Variants in ADAM32 observed in about 807,000 individuals in gnomAD.
The protein encoded by ADAM32 is disintegrin and metalloproteinase domain-containing protein 32.
A neutral mutation model predicts 114.9 loss-of-function variants in ADAM32; 89 were observed. That is an observed-to-expected ratio of 0.77 (90% CI 0.65 to 0.92). The LOEUF (loss-of-function observed/expected upper bound fraction) is 0.92. Among genes scored for constraint, ADAM32 ranks in the 40% least tolerant of loss-of-function variants. The probability of loss-of-function intolerance (pLI) is 0.00; values close to 1 mark genes in which losing one functional copy is unlikely to be tolerated. For missense variants in ADAM32, 870 were observed against 932.8 expected, an observed-to-expected ratio of 0.93 and a Z score of 0.88; for synonymous variants, 285 against 307.5, an observed-to-expected ratio of 0.93 and a Z score of 0.77.
intron 19 of ADAM32, among the ~76,000 whole-genome samples, chr8:39,259,365 A>T (rs540830239): frequency 5.3e-5 from 8 of 151,840 alleles, no homozygotes; most frequent in Non-Finnish European, 5.9e-5. Flanking sequence ...ACGCCTGGCT[A>T]ATTTTTTGTA....
intron 12 of ADAM32, among the ~76,000 whole-genome samples, chr8:39,217,038 G>A (rs10086458): frequency 6.6e-6 from 1 of 151,730 alleles, no homozygotes; most frequent in African/African-American, 2.4e-5. Context: ...GACAGGTCTG[G>A]TGTTGATGAA....
intron 3 of ADAM32, among the ~76,000 whole-genome samples, chr8:39,140,887 G>A (rs896929299): frequency 1.3e-5 from 2 of 152,106 alleles, no homozygotes; most frequent in Non-Finnish European, 2.9e-5. Context: ...TTGGGCGGGT[G>A]CACGTGTCCA....
chr8:39,123,753 C>T (rs1801934347), intron 2 of ADAM32, among the ~76,000 whole-genome samples: 1 of 144,552 alleles, frequency 6.9e-6, no homozygotes, highest in South Asian at 2.1e-4. Flanking sequence ...GTCTCCCAGG[C>T]TAGAGTGCAG....
chr8:39,177,140 A>G (rs1805580921), intron 10 of ADAM32, among the ~76,000 whole-genome samples: 1 of 151,122 alleles, frequency 6.6e-6, no homozygotes, highest in Non-Finnish European at 1.5e-5. Flanking sequence ...GCTCACTGCA[A>G]CCTCTGCCTC....
chr8:39,277,675 C>A (rs577730675), intron 22 of ADAM32, among the ~76,000 whole-genome samples: 1 of 152,230 alleles, frequency 6.6e-6, no homozygotes, highest in Non-Finnish European at 1.5e-5. Flanking sequence ...ACTCCACTCA[C>A]TGGGACCCAC....
intron 22 of ADAM32, among the ~76,000 whole-genome samples, chr8:39,277,378 T>A (rs369721553): frequency 7.2e-5 from 11 of 152,382 alleles, no homozygotes; most frequent in East Asian, 1.9e-4. Flanking sequence ...ACATGGTGGC[T>A]GTGCTTTAGT....
At chr8:39,203,253 T>A (rs946209914) in intron 11 of ADAM32, among the ~76,000 whole-genome samples, 3 of 152,178 alleles carry the variant, frequency 2.0e-5, no homozygotes, top group African/African-American at 7.2e-5. Flanking sequence ...CCCATTATTA[T>A]TGTGTGGGAG....
At chr8:39,107,650 C>G, upstream of ADAM32, 1 of 1,503,504 alleles carries the variant, frequency 6.7e-7, no homozygotes, top group South Asian at 1.3e-5. Context: ...ACCCCGTCTC[C>G]GGGGCCTCCG....
chr8:39,162,520 A>G (rs1804579259), intron 7 of ADAM32, among the ~76,000 whole-genome samples: 1 of 152,136 alleles, frequency 6.6e-6, no homozygotes, highest in African/African-American at 2.4e-5. Context: ...CTTTGGGTAT[A>G]TACCCAGTAA....
At chr8:39,207,827 TTTGTC>T (rs1471995452) in intron 11 of ADAM32, among the ~76,000 whole-genome samples, 1 of 152,230 alleles carries the variant, frequency 6.6e-6, no homozygotes, top group African/African-American at 2.4e-5. Flanking sequence ...TCATGAGGTG[TTTGTC>T]TCTGTGTCTG....
At chr8:39,223,551 T>G (rs972082429) in intron 14 of ADAM32, 1 of 160,696 alleles carries the variant, frequency 6.2e-6, no homozygotes, top group African/African-American at 2.4e-5. Context: ...GGTGTATGAT[T>G]TTGTTTTGAT....
chr8:39,243,645 T>G (rs2129449946), intron 16 of ADAM32, among the ~76,000 whole-genome samples: 1 of 152,240 alleles, frequency 6.6e-6, no homozygotes, highest in Non-Finnish European at 1.5e-5. Flanking sequence ...TAATAAAGGC[T>G]GTATATGCCA....
chr8:39,122,032 T>C (rs979937251), intron 2 of ADAM32, among the ~76,000 whole-genome samples: 4 of 152,224 alleles, frequency 2.6e-5, no homozygotes, highest in African/African-American at 9.6e-5. Flanking sequence ...TGTTCTACTA[T>C]TGTATTTTGG....
At chr8:39,207,075 A>G (rs559708164) in intron 11 of ADAM32, among the ~76,000 whole-genome samples, 1 of 152,168 alleles carries the variant, frequency 6.6e-6, no homozygotes, top group South Asian at 2.1e-4. Flanking sequence ...AGGAATGTGG[A>G]TGGCTGGGGA....
intron 11 of ADAM32, among the ~76,000 whole-genome samples, chr8:39,189,227 G>A (rs1478323287): frequency 6.6e-6 from 1 of 152,106 alleles, no homozygotes; most frequent in Non-Finnish European, 1.5e-5. Context: ...TAATCACTTT[G>A]CCTAAGGCCT....
intron 12 of ADAM32, among the ~76,000 whole-genome samples, chr8:39,216,795 G>A (rs543394699): frequency 6.6e-5 from 10 of 150,804 alleles, no homozygotes; most frequent in Non-Finnish European, 1.0e-4. Context: ...TATATATATC[G>A]TACTGACTAT....
intron 12 of ADAM32, chr8:39,220,945 G>A (rs1227011560): frequency 6.7e-6 from 1 of 149,490 alleles, no homozygotes; most frequent in African/African-American, 2.5e-5. Context: ...GTTTAACTCT[G>A]ATGTCTGTGT....
chr8:39,167,802 T>C (rs2129446318), intron 9 of ADAM32: 1 of 152,334 alleles, frequency 6.6e-6, no homozygotes, highest in Middle Eastern at 3.4e-3. Flanking sequence ...TTGCAGCTAT[T>C]GTGAAAGGGG....
rs372938949 is a variant in ADAM32 at position 39,116,466 on chromosome 8, G to C, written c.59-1620G>C. Among the ~76,000 whole-genome samples the C allele has an allele frequency of 3.8e-3, 586 of 152,262 alleles. 6 individuals carry two copies. The highest frequency in any genetic ancestry group is 0.013 in the African/African-American group (560 of 41,554). On this transcript the variant is annotated intron_variant, in intron 1 of 24. Coordinates refer to ENST00000379907, the MANE Select transcript of ADAM32 (RefSeq NM_145004.7). The stretch of plus-strand genomic sequence containing the variant: ...AGATCTTTCACCTCCATGGTTAGCT[G>C]TATTCCTAGGTATTTTGTTCTTTTT...
Sources: allele counts gnomAD v4.1 joint callset (sites outside exome capture counted in the v4.1 genomes callset), GRCh38; gene constraint gnomAD v4.1.1; transcripts MANE v1.5; gene names NCBI Gene and HGNC (gene_info 2026-07-23, HGNC 2026-07-21).